XPO5: variants seen among roughly 807,000 people sequenced by gnomAD.
The protein encoded by XPO5 is exportin 5.
XPO5 carries 46 observed loss-of-function variants against 160.6 expected under a neutral mutation model. The ratio of observed to expected loss-of-function variants is 0.29; its 90% CI spans 0.23 to 0.37. XPO5 has a LOEUF of 0.37. XPO5 is among the 10% of genes least tolerant of loss of function. XPO5 has a pLI of 1.00. For missense variants in XPO5, 1,090 were observed against 1,463.9 expected, an observed-to-expected ratio of 0.74 and a Z score of 4.17; for synonymous variants, 537 against 519.3, an observed-to-expected ratio of 1.03 and a Z score of -0.46.
chr6:43,564,660 T>A (rs1412546012), intron 8 of XPO5, among the ~76,000 whole-genome samples: 2 of 152,222 alleles, frequency 1.3e-5, no homozygotes, highest in Non-Finnish European at 2.9e-5. Context: ...TGGAGTGTAG[T>A]GGCATGATCA....
Position 43,570,977 on chromosome 6 carries a change from C to T in XPO5, c.318G>A (p.Leu106=). The part of the protein sequence containing the change: ...ELIANGTLNI[L]EEENHIKDAL... ...CATCTTTAATATGGTTCTCCTCTTC[C>T]AAAATGTTCAATGTTCCCTGAAAAA... Residue 106 remains leucine (L), a synonymous_variant, in exon 4 of 32, where the codon TTG becomes TTA. Transcript: ENST00000265351. 6 of 1,611,432 alleles carry T rather than the reference C, an allele frequency of 3.7e-6. No homozygotes were observed. The highest frequency in any genetic ancestry group is 5.1e-6 in the Non-Finnish European group (6 of 1,179,156).
In XPO5 at chr6:43,575,916, G is replaced by A. The variant is rs534918204; in HGVS notation, c.-52C>T. ...CACCACTGCAGTCCCGGGACCACGA[G>A]GCACGACAGCTCCCTCGGCGAGACC... On this transcript the variant is annotated 5_prime_UTR_variant, in exon 1 of 32. Transcript: ENST00000265351. 6.4e-7 allele frequency: 1 copy of A among 1,570,538 alleles called. No homozygotes were observed.
intron 20 of XPO5, among the ~76,000 whole-genome samples, chr6:43,537,934 G>T (rs1473056980): frequency 6.6e-6 from 1 of 151,582 alleles, no homozygotes; most frequent in East Asian, 2.0e-4. Flanking sequence ...CAGGCGTGGT[G>T]GCGCACACCT....
chr6:43,555,731 A>T (rs891503266), intron 13 of XPO5, 105 bp downstream of exon 13: 35 of 1,418,694 alleles, frequency 2.5e-5, no homozygotes, highest in East Asian at 1.9e-4. Flanking sequence ...TTTGAATAGT[A>T]TAAGTATATC....
intron 1 of XPO5, among the ~76,000 whole-genome samples, chr6:43,574,402 A>G (rs990361380): frequency 6.7e-6 from 1 of 150,242 alleles, no homozygotes; most frequent in Non-Finnish European, 1.5e-5. Context: ...TATATATTTA[A>G]TATAAAAATA....
At chr6:43,539,196 A>T (rs1330348574) in intron 20 of XPO5, 4 of 1,136,318 alleles carry the variant, frequency 3.5e-6, no homozygotes, top group Non-Finnish European at 5.2e-6. Flanking sequence ...TTGTTCCCCT[A>T]GTAGCCTCTG....
intron 20 of XPO5, chr6:43,538,790 T>A: frequency 1.3e-6 from 1 of 782,800 alleles, no homozygotes; most frequent in Non-Finnish European, 2.0e-6. Context: ...TTTCCCACGC[T>A]TAATTCACTT....
At chr6:43,567,892 C>T (rs563674221) in intron 6 of XPO5, among the ~76,000 whole-genome samples, 21 of 148,642 alleles carry the variant, frequency 1.4e-4, no homozygotes, top group Non-Finnish European at 2.5e-4. Context: ...GCCACGTTTG[C>T]GTCACTGTAC....
chr6:43,538,944 C>T lies in XPO5; in HGVS notation c.2343-4937G>A, dbSNP rs543342218. 6.0e-5 allele frequency: 80 copies of T among 1,335,138 alleles called. No homozygotes were observed. The Middle Eastern group carries it at 1.5e-3, about 26-fold the overall frequency. The allele number at this position is 1,335,138 out of a possible 1,614,324, so 82.7% of individuals were successfully genotyped here. A position where few individuals can be genotyped will look rare whatever the true frequency, so the allele number is the denominator to read the frequency against. On this transcript the variant is annotated intron_variant, in intron 20 of 31. Transcript: ENST00000265351. The stretch of plus-strand genomic sequence containing the variant: ...GTAAATACAGTCTCCTTCCAGAGGT[C>T]GGGGGTCAGGTAGCTGTAGGTCTTA...
At position 43,546,552 on chromosome 6, in the gene XPO5, A is replaced by T. The variant is rs746696604; in HGVS notation, c.2342+19T>A. On this transcript the variant is annotated intron_variant, in intron 20 of 31. Transcript: ENST00000265351. ...GGTAAAGTAGAAAACAACAGAGAAA[A>T]GCCATTATTCTGACTCACCTTATAA... 5 of 1,588,474 alleles carry T rather than the reference A, an allele frequency of 3.1e-6. No homozygotes were observed. In the African/African-American group the frequency reaches 6.8e-5, roughly 22 times the overall value.
Position 43,575,977 on chromosome 6 carries a change from T to C in XPO5, c.-113A>G, listed in dbSNP as rs879116636. On this transcript the variant is annotated 5_prime_UTR_variant, in exon 1 of 32. Coordinates refer to ENST00000265351, the MANE Select transcript of XPO5 (RefSeq NM_020750.3). ...ACCGGGCCGCGGCGGGCGGCGGGGGTGGGAAGCTGGAGGAGGAGCGTTAGC... is the reference window on the plus strand; with the variant it reads ...ACCGGGCCGCGGCGGGCGGCGGGGGCGGGAAGCTGGAGGAGGAGCGTTAGC... The C allele has an allele frequency of 6.9e-6, 7 of 1,018,414 alleles. No homozygotes were observed. Among genetic ancestry groups the C allele is most frequent in the Middle Eastern group, 2.1e-4 (1 of 4,710 alleles). The allele number at this position is 1,018,414 out of a possible 1,614,324, so 63.1% of individuals were successfully genotyped here. A position where few individuals can be genotyped will look rare whatever the true frequency, so the allele number is the denominator to read the frequency against.
rs545674939 is a variant in XPO5 at position 43,545,448 on chromosome 6, T to A, written c.2342+1123A>T. Reference sequence around the variant, plus strand: ...GAGGCCAGGTGTGGTGGCTCACTCCTGGAGTCCCAGCACTTTGGGAGGCCG... The same window carrying A: ...GAGGCCAGGTGTGGTGGCTCACTCCAGGAGTCCCAGCACTTTGGGAGGCCG... On this transcript the variant is annotated intron_variant, in intron 20 of 31. Transcript: ENST00000265351. 6.0e-4 allele frequency among the ~76,000 whole-genome samples: 92 copies of A among 152,134 alleles called. 1 individual carries two copies. Among genetic ancestry groups the A allele is most frequent in the Admixed American group, 6.0e-3 (91 of 15,280 alleles).
intron 30 of XPO5, 75 bp from the exon 31 acceptor site, chr6:43,524,710 T>A (rs1793441600): frequency 6.3e-7 from 1 of 1,589,186 alleles, no homozygotes; most frequent in African/African-American, 1.3e-5. Context: ...GCCACACCCA[T>A]TTCTCAGAGA....
chr6:43,539,399 A>T, intron 20 of XPO5: 1 of 1,576,160 alleles, frequency 6.3e-7, no homozygotes, highest in Non-Finnish European at 8.6e-7. Context: ...CTCATCCTTG[A>T]GAGAGGCCCC....
At chr6:43,531,628 T>C (rs371114481) in intron 21 of XPO5, 53 bp from the exon 22 acceptor site, 132 of 1,471,046 alleles carry the variant, frequency 9.0e-5, no homozygotes, top group South Asian at 2.6e-4. Context: ...GGAGTCTCAA[T>C]TGGCCAACAC....
chr6:43,536,355 C>T (rs1461655044), intron 20 of XPO5, among the ~76,000 whole-genome samples: 3 of 147,732 alleles, frequency 2.0e-5, no homozygotes, highest in African/African-American at 7.6e-5. Flanking sequence ...GCGGAAATTG[C>T]AGTGAGCCGA....
chr6:43,549,406 C>A (rs569193004), intron 17 of XPO5, 83 bp downstream of exon 17: 1 of 1,368,700 alleles, frequency 7.3e-7, no homozygotes, highest in Admixed American at 2.4e-5. Flanking sequence ...CTAGTTTTTT[C>A]TTTATGTGAG....
chr6:43,559,788 G>A (rs1254584229), intron 11 of XPO5, among the ~76,000 whole-genome samples: 1 of 152,172 alleles, frequency 6.6e-6, no homozygotes, highest in African/African-American at 2.4e-5. Flanking sequence ...TAGTGATGAA[G>A]AAGGGCTGTT....
chr6:43,544,635 T>A (rs1488937833), intron 20 of XPO5, among the ~76,000 whole-genome samples: 1 of 152,066 alleles, frequency 6.6e-6, no homozygotes, highest in Non-Finnish European at 1.5e-5. Flanking sequence ...TTAAAAAACA[T>A]CACTATGGGG....
Sources: allele counts gnomAD v4.1 joint callset (sites outside exome capture counted in the v4.1 genomes callset), GRCh38; gene constraint gnomAD v4.1.1; transcripts MANE v1.5; gene names NCBI Gene and HGNC (gene_info 2026-07-23, HGNC 2026-07-21).